The following GABRG3 variants were observed in gnomAD, a reference collection of about 807,000 sequenced individuals.
GABRG3 encodes gamma-aminobutyric acid receptor subunit gamma-3.
A neutral mutation model predicts 48.8 loss-of-function variants in GABRG3; 25 were observed. The observed-to-expected ratio is 0.51, with a 90% CI of 0.37 to 0.72. The LOEUF (loss-of-function observed/expected upper bound fraction) is 0.72. GABRG3 is among the 30% of genes least tolerant of loss of function. The pLI is 0.00. For synonymous variants in GABRG3, 227 were observed against 217.6 expected, an observed-to-expected ratio of 1.04 and a Z score of -0.38; for missense variants, 394 against 577.9, an observed-to-expected ratio of 0.68 and a Z score of 3.26.
chr15:27,502,473 G>A (rs1214970823), intron 6 of GABRG3, among the ~76,000 whole-genome samples: 2 of 152,184 alleles, frequency 1.3e-5, no homozygotes, highest in East Asian at 3.9e-4. Flanking sequence ...GACCAAATGT[G>A]TGGCTTTTTT....
intron 3 of GABRG3, among the ~76,000 whole-genome samples, chr15:27,283,644 C>T (rs763553685): frequency 1.3e-5 from 2 of 152,086 alleles, no homozygotes; most frequent in Non-Finnish European, 2.9e-5. Context: ...TATTTTTTCC[C>T]ATTCCTTTGG....
chr15:27,240,791 A>G (rs1890107745), intron 3 of GABRG3, among the ~76,000 whole-genome samples: 1 of 152,216 alleles, frequency 6.6e-6, no homozygotes, highest in Admixed American at 6.5e-5. Context: ...TTATTATGAT[A>G]AAATAATGTG....
At chr15:27,364,560 C>T (rs755111347) in intron 5 of GABRG3, 3 of 152,224 alleles carry the variant, frequency 2.0e-5, no homozygotes, top group Non-Finnish European at 2.9e-5. Flanking sequence ...AAATTACACA[C>T]ATCCTCCCTG....
intron 5 of GABRG3, among the ~76,000 whole-genome samples, chr15:27,471,467 T>C (rs936038048): frequency 6.6e-6 from 1 of 152,182 alleles, no homozygotes; most frequent in African/African-American, 2.4e-5. Context: ...CCTAAACTTG[T>C]GGTCTTTCAT....
At chr15:27,188,909 G>A (rs1441850475) in intron 3 of GABRG3, among the ~76,000 whole-genome samples, 2 of 150,324 alleles carry the variant, frequency 1.3e-5, no homozygotes, top group Admixed American at 6.6e-5. Flanking sequence ...TTTGTATAAG[G>A]TGTAAGGAAG....
intron 5 of GABRG3, among the ~76,000 whole-genome samples, chr15:27,437,529 A>G (rs1888656399): frequency 6.6e-6 from 1 of 151,922 alleles, no homozygotes; most frequent in Non-Finnish European, 1.5e-5. Context: ...TTTTCCAGTC[A>G]TTCTTTTGTT....
At chr15:27,063,529 T>C (rs575701215) in intron 3 of GABRG3, among the ~76,000 whole-genome samples, 1 of 152,356 alleles carries the variant, frequency 6.6e-6, no homozygotes, top group South Asian at 2.1e-4. Flanking sequence ...CCTGGCTTGC[T>C]CTGCCCTGAC....
At chr15:27,123,224 T>C (rs1897761580) in intron 3 of GABRG3, among the ~76,000 whole-genome samples, 1 of 152,200 alleles carries the variant, frequency 6.6e-6, no homozygotes, top group Admixed American at 6.5e-5. Flanking sequence ...GAGTTCTCAT[T>C]CTTGTAGGTA....
At chr15:27,523,687 G>T (rs2150863500) in intron 7 of GABRG3, among the ~76,000 whole-genome samples, 1 of 151,964 alleles carries the variant, frequency 6.6e-6, no homozygotes, top group South Asian at 2.1e-4. Context: ...AGAACTCAAT[G>T]AAATTTTTAG....
At chr15:27,157,265 C>T (rs1053893506) in intron 3 of GABRG3, among the ~76,000 whole-genome samples, 5 of 152,110 alleles carry the variant, frequency 3.3e-5, no homozygotes, top group African/African-American at 7.2e-5. Context: ...ATTTATCTAG[C>T]GTTAAACAAA....
chr15:27,366,205 C>T (rs1309183308), intron 5 of GABRG3: 1 of 152,126 alleles, frequency 6.6e-6, no homozygotes, highest in Admixed American at 6.5e-5. Flanking sequence ...AGAGGGCACG[C>T]AGGCATGTGG....
intron 3 of GABRG3, among the ~76,000 whole-genome samples, chr15:27,286,779 A>G (rs926217937): frequency 3.3e-5 from 5 of 152,190 alleles, no homozygotes; most frequent in African/African-American, 7.2e-5. Flanking sequence ...GAACAGAAAC[A>G]TGTTATAATT....
intron 5 of GABRG3, among the ~76,000 whole-genome samples, chr15:27,442,719 G>C (rs376322826): frequency 6.6e-6 from 1 of 152,092 alleles, no homozygotes; most frequent in East Asian, 1.9e-4. Flanking sequence ...TTATTTTTTC[G>C]ACTTTTTCTA....
chr15:27,338,302 G>A (rs910898854), intron 5 of GABRG3, among the ~76,000 whole-genome samples: 3 of 152,126 alleles, frequency 2.0e-5, no homozygotes, highest in East Asian at 1.9e-4. Flanking sequence ...AACCAGGAAC[G>A]TGCTGGAAAG....
intron 5 of GABRG3, among the ~76,000 whole-genome samples, chr15:27,330,383 C>T (rs534829224): frequency 6.3e-4 from 96 of 152,226 alleles, no homozygotes; most frequent in African/African-American, 2.2e-3. Context: ...ATATGTTCAT[C>T]GCTTATTTTA....
intron 5 of GABRG3, among the ~76,000 whole-genome samples, chr15:27,382,553 A>G (rs933537960): frequency 1.3e-5 from 2 of 152,220 alleles, no homozygotes; most frequent in African/African-American, 2.4e-5. Flanking sequence ...TTGAACACAA[A>G]AGAGGCATGA....
At chr15:27,129,066 C>A (rs1897871012) in intron 3 of GABRG3, among the ~76,000 whole-genome samples, 1 of 152,070 alleles carries the variant, frequency 6.6e-6, no homozygotes, top group Non-Finnish European at 1.5e-5. Context: ...GTATGGTATG[C>A]ATATAATATA....
chr15:27,102,400 CCTT>C (rs1897377360), intron 3 of GABRG3, among the ~76,000 whole-genome samples: 1 of 152,146 alleles, frequency 6.6e-6, no homozygotes, highest in Non-Finnish European at 1.5e-5. Flanking sequence ...GAGGCCTATT[CCTT>C]CTTATGAGAG....
At chr15:27,330,067 C>T (rs1490445401) in intron 5 of GABRG3, among the ~76,000 whole-genome samples, 1 of 152,082 alleles carries the variant, frequency 6.6e-6, no homozygotes, top group Non-Finnish European at 1.5e-5. Flanking sequence ...CGGTGAAACC[C>T]TGTCTCTACT....
Sources: gnomAD v4.1 joint callset for allele counts (sites outside exome capture counted in the v4.1 genomes callset) on GRCh38, gnomAD v4.1.1 for gene constraint, MANE v1.5 for transcripts, NCBI Gene and HGNC (gene_info 2026-07-23, HGNC 2026-07-21) for gene names.